Variants in GRIK1 observed in about 807,000 individuals in gnomAD.
The protein encoded by GRIK1 is glutamate receptor ionotropic, kainate 1.
In GRIK1, 69 loss-of-function variants were observed where a neutral mutation model predicts 105.7. That is an observed-to-expected ratio of 0.65 (90% CI 0.54 to 0.80). The LOEUF is 0.80. Among genes scored for constraint, GRIK1 ranks in the 30% least tolerant of loss-of-function variants. The pLI is 0.00. For missense variants in GRIK1, 1,109 were observed against 1,167.3 expected, an observed-to-expected ratio of 0.95 and a Z score of 0.73; for synonymous variants, 438 against 431.3, an observed-to-expected ratio of 1.02 and a Z score of -0.19.
intron 1 of GRIK1, among the ~76,000 whole-genome samples, chr21:29,816,430 T>A (rs137928544): frequency 2.0e-5 from 3 of 152,136 alleles, no homozygotes; most frequent in Non-Finnish European, 4.4e-5. Context: ...ACACAATCCA[T>A]CAATCTCACT....
intron 1 of GRIK1, among the ~76,000 whole-genome samples, chr21:29,766,641 A>T (rs528129923): frequency 6.6e-6 from 1 of 152,192 alleles, no homozygotes; most frequent in East Asian, 1.9e-4. Context: ...GTAAATAGCT[A>T]CCTGTTTCTA....
chr21:29,750,372 A>T (rs921151835), intron 1 of GRIK1, among the ~76,000 whole-genome samples: 1 of 152,088 alleles, frequency 6.6e-6, no homozygotes, highest in African/African-American at 2.4e-5. Flanking sequence ...AAGACAAGCC[A>T]ACCACAGGGT....
At chr21:29,894,628 T>G (rs887966660) in intron 1 of GRIK1, among the ~76,000 whole-genome samples, 1 of 152,108 alleles carries the variant, frequency 6.6e-6, no homozygotes, top group Non-Finnish European at 1.5e-5. Context: ...AAACAATACT[T>G]TGCGTCCTTC....
chr21:29,690,012 G>A, intron 2 of GRIK1, 27 bp from the exon 3 acceptor site: 1 of 1,566,882 alleles, frequency 6.4e-7, no homozygotes, highest in Non-Finnish European at 8.8e-7. Context: ...AGGAGAGGAT[G>A]GGGAGGGAGG....
At chr21:29,602,725 T>C (rs2061541113) in intron 7 of GRIK1, among the ~76,000 whole-genome samples, 1 of 152,180 alleles carries the variant, frequency 6.6e-6, no homozygotes, top group Admixed American at 6.5e-5. Flanking sequence ...TAAGAAATGA[T>C]GCGAAATGAG....
chr21:29,880,788 G>C (rs2069378888), intron 1 of GRIK1, among the ~76,000 whole-genome samples: 1 of 152,156 alleles, frequency 6.6e-6, no homozygotes, highest in Non-Finnish European at 1.5e-5. Flanking sequence ...TGTCTTGATA[G>C]TAGACCCAGG....
intron 4 of GRIK1, among the ~76,000 whole-genome samples, chr21:29,671,133 A>AT (rs2063152196): frequency 6.6e-6 from 1 of 151,708 alleles, no homozygotes; most frequent in Non-Finnish European, 1.5e-5. Flanking sequence ...TTATTTTATT[A>AT]TTTTTTGGGG....
chr21:29,722,593 A>C (rs951847508), intron 1 of GRIK1, among the ~76,000 whole-genome samples: 3 of 151,690 alleles, frequency 2.0e-5, no homozygotes, highest in East Asian at 1.9e-4. Context: ...AAAAAAAAAA[A>C]AACTCCCAAA....
chr21:29,691,771 C>A (rs565462670), intron 2 of GRIK1, among the ~76,000 whole-genome samples: 1 of 152,110 alleles, frequency 6.6e-6, no homozygotes, highest in Non-Finnish European at 1.5e-5. Context: ...CTGTAGTTAC[C>A]TGACTTAATT....
intron 1 of GRIK1, among the ~76,000 whole-genome samples, chr21:29,809,532 G>T (rs456776): frequency 0.8 from 122,031 of 151,758 alleles, 49,845 homozygotes; most frequent in Non-Finnish European, 0.88. Flanking sequence ...GGCTTAAGAG[G>T]CTCTTGCGGC....
At position 29,909,974 on chromosome 21, in the gene GRIK1, G is replaced by C. The variant is rs79150626; in HGVS notation, c.118+29409C>G. On this transcript the variant is annotated intron_variant, in intron 1 of 17. Transcript: ENST00000327783. ...CTGTACAATGGCAAGCTGAACCCTC[G>C]TCTGAATATGCTCTCAAGAAGCATG... Among the ~76,000 whole-genome samples the C allele has an allele frequency of 5.7e-3, 865 of 152,128 alleles. 7 individuals carry two copies. Among genetic ancestry groups the C allele is most frequent in the African/African-American group, 0.017 (710 of 41,516 alleles).
At chr21:29,702,822 C>T (rs982118941) in intron 1 of GRIK1, among the ~76,000 whole-genome samples, 17 of 152,308 alleles carry the variant, frequency 1.1e-4, no homozygotes, top group African/African-American at 4.1e-4. Context: ...AAATGAATTT[C>T]TCCCAGAGCC....
chr21:29,747,352 C>T (rs1033294996), intron 1 of GRIK1, among the ~76,000 whole-genome samples: 11 of 152,304 alleles, frequency 7.2e-5, no homozygotes, highest in Admixed American at 4.6e-4. Context: ...ATATGTCTAG[C>T]TCTTACACAT....
chr21:29,618,133 A>G (rs2146408016), intron 7 of GRIK1, among the ~76,000 whole-genome samples: 1 of 152,278 alleles, frequency 6.6e-6, no homozygotes, highest in East Asian at 1.9e-4. Flanking sequence ...CCTAAACTTC[A>G]GAGACAGGGT....
intron 1 of GRIK1, among the ~76,000 whole-genome samples, chr21:29,886,553 C>G (rs189441087): frequency 8.5e-5 from 13 of 152,164 alleles, no homozygotes; most frequent in Admixed American, 4.6e-4. Flanking sequence ...ATTCTATGTA[C>G]AAGACACTGT....
rs778724342 is a variant in GRIK1 at position 29,727,766 on chromosome 21, AATAG to A, written c.119-33707_119-33704del. On this transcript the variant is annotated intron_variant, in intron 1 of 17. Coordinates refer to ENST00000327783, the MANE Select transcript of GRIK1 (RefSeq NM_001330994.2). ...AAAGACACAGAATCAATGGGATATAAATAGATAGAATGAAATAAATTTATGATGA... is the reference window on the plus strand; with the variant it reads ...AAAGACACAGAATCAATGGGATATAAATAGAATGAAATAAATTTATGATGA... 3.3e-5 allele frequency among the ~76,000 whole-genome samples: 5 copies of A among 152,304 alleles called. No individual in the cohort carries two copies. In the South Asian group the frequency reaches 1.0e-3, roughly 32 times the overall value.
At chr21:29,690,009 GA>G in intron 2 of GRIK1, 24 bp from the exon 3 acceptor site, 1 of 1,337,830 alleles carries the variant, frequency 7.5e-7, no homozygotes. Context: ...ACAAGGAGAG[GA>G]TGGGGAGGGA....
chr21:29,852,428 C>T (rs1261427180), intron 1 of GRIK1, among the ~76,000 whole-genome samples: 1 of 152,186 alleles, frequency 6.6e-6, no homozygotes, highest in African/African-American at 2.4e-5. Context: ...ATGTACTCTG[C>T]AGACTTCCTT....
intron 1 of GRIK1, among the ~76,000 whole-genome samples, chr21:29,892,546 C>A (rs11700846): frequency 0.14 from 21,468 of 152,186 alleles, 1,647 homozygotes; most frequent in Non-Finnish European, 0.18. Flanking sequence ...AATGGATTGG[C>A]AGGCCAGGGC....
Sources: gnomAD v4.1 joint callset for allele counts (sites outside exome capture counted in the v4.1 genomes callset) on GRCh38, gnomAD v4.1.1 for gene constraint, MANE v1.5 for transcripts, NCBI Gene and HGNC (gene_info 2026-07-23, HGNC 2026-07-21) for gene names.